Variants in HSPA4L observed in about 807,000 individuals in gnomAD.
HSPA4L encodes heat shock protein family A (Hsp70) member 4 like, also known as heat shock 70 kDa protein 4L.
Under a neutral mutation model 100.3 loss-of-function variants are expected in HSPA4L, and 48 were observed. The ratio of observed to expected loss-of-function variants is 0.48; its 90% CI spans 0.38 to 0.61. The LOEUF is 0.61. HSPA4L is among the 20% of genes least tolerant of loss of function. The pLI is 0.00. For synonymous variants in HSPA4L, 319 were observed against 328.2 expected (o/e 0.97, Z 0.30); for missense variants, 886 against 988.6 (o/e 0.90, Z 1.39).
intron 3 of HSPA4L, 147 bp from the exon 4 acceptor site, chr4:127,798,440 A>C: frequency 1.4e-6 from 1 of 713,522 alleles, no homozygotes; most frequent in South Asian, 2.0e-5. Flanking sequence ...TCATGATTCT[A>C]AAATGACAAT....
chr4:127,823,845 G>C (rs1035307759), intron 16 of HSPA4L, among the ~76,000 whole-genome samples: 12 of 151,982 alleles, frequency 7.9e-5, no homozygotes, highest in Non-Finnish European at 1.2e-4. Context: ...TCTTTCTTTG[G>C]GGGGGAGAAC....
At chr4:127,825,657 C>T (rs1733931930) in intron 16 of HSPA4L, among the ~76,000 whole-genome samples, 1 of 152,132 alleles carries the variant, frequency 6.6e-6, no homozygotes, top group African/African-American at 2.4e-5. Context: ...GGTGCAGTAG[C>T]TCATACCTGT....
intron 5 of HSPA4L, among the ~76,000 whole-genome samples, chr4:127,801,499 G>GTGTGTA (rs1553932968): frequency 2.3e-5 from 3 of 131,020 alleles, no homozygotes; most frequent in Admixed American, 7.9e-5. Context: ...GTGTGTGTGT[G>GTGTGTA]TGTATGTACT....
At chr4:127,808,246 G>C in intron 11 of HSPA4L, 117 bp downstream of exon 11, 5 of 801,786 alleles carry the variant, frequency 6.2e-6, no homozygotes, top group Non-Finnish European at 9.7e-6. Flanking sequence ...TTTAAAGAAA[G>C]ATATTTATAC....
At chr4:127,801,458 CGTGTGT>C (rs33966471) in intron 5 of HSPA4L, among the ~76,000 whole-genome samples, 8,669 of 144,716 alleles carry the variant, frequency 0.06, 425 homozygotes, top group African/African-American at 0.14. Context: ...TATAAAAATA[CGTGTGT>C]GTGTGTGTGT....
chr4:127,835,232 G>A lies in HSPA4L; in HGVS notation c.*2358G>A, dbSNP rs1382680111. Reference sequence around the variant, plus strand: ...TTTCCTATGGTAAGCAAATAAGAATGAAGTTTGTAGGGAATATTTGGAATG... The same window carrying A: ...TTTCCTATGGTAAGCAAATAAGAATAAAGTTTGTAGGGAATATTTGGAATG... On this transcript the variant is annotated 3_prime_UTR_variant, in exon 19 of 19. Coordinates refer to ENST00000296464, the MANE Select transcript of HSPA4L (RefSeq NM_014278.4). 2 of 152,148 alleles carry A rather than the reference G, an allele frequency of 1.3e-5. No homozygotes were observed. Among genetic ancestry groups the A allele is most frequent in the Non-Finnish European group, 2.9e-5 (2 of 68,022 alleles). The allele number at this position is 152,148 out of a possible 1,614,324, so 9.4% of individuals were successfully genotyped here.
At chr4:127,790,026 G>A (rs1165423234) in intron 1 of HSPA4L, among the ~76,000 whole-genome samples, 11 of 152,152 alleles carry the variant, frequency 7.2e-5, no homozygotes. Flanking sequence ...TCCAAGCCTG[G>A]TTAAATGACA....
intron 11 of HSPA4L, 27 bp downstream of exon 11, chr4:127,808,156 C>G: frequency 6.4e-7 from 1 of 1,567,032 alleles, no homozygotes; most frequent in Non-Finnish European, 8.6e-7. Context: ...TTCTCCATAA[C>G]ATTTTGGCCT....
chr4:127,799,685 C>T (rs774821135), intron 4 of HSPA4L, among the ~76,000 whole-genome samples: 22 of 152,250 alleles, frequency 1.4e-4, no homozygotes, highest in Non-Finnish European at 2.9e-4. Context: ...CCTTGTGTGT[C>T]AGAAATTCAT....
At chr4:127,825,387 A>C (rs912451778) in intron 16 of HSPA4L, among the ~76,000 whole-genome samples, 1 of 152,142 alleles carries the variant, frequency 6.6e-6, no homozygotes, top group South Asian at 2.1e-4. Context: ...TGATGACATT[A>C]ACAAGGATTT....
chr4:127,783,887 T>C (rs1732638485), intron 1 of HSPA4L, among the ~76,000 whole-genome samples: 1 of 152,226 alleles, frequency 6.6e-6, no homozygotes, highest in African/African-American at 2.4e-5. Context: ...TCTAGAAGGT[T>C]TTATACCTTT....
intron 16 of HSPA4L, 52 bp downstream of exon 16, chr4:127,823,676 A>AG: frequency 9.0e-7 from 1 of 1,107,946 alleles, no homozygotes; most frequent in Non-Finnish European, 1.3e-6. Context: ...TTTTCTAAAA[A>AG]TTAGGGTGTA....
intron 3 of HSPA4L, among the ~76,000 whole-genome samples, chr4:127,796,185 A>G (rs1485136776): frequency 6.6e-6 from 1 of 152,140 alleles, no homozygotes; most frequent in Non-Finnish European, 1.5e-5. Flanking sequence ...TAGGATTCAG[A>G]AGAATAGACC....
intron 12 of HSPA4L, among the ~76,000 whole-genome samples, chr4:127,812,246 A>G (rs1186648303): frequency 6.6e-6 from 1 of 151,834 alleles, no homozygotes; most frequent in Non-Finnish European, 1.5e-5. Context: ...CGTCTCCACT[A>G]AAAATACAAA....
At chr4:127,809,155 A>C in intron 11 of HSPA4L, 1 of 855,970 alleles carries the variant, frequency 1.2e-6, no homozygotes, top group East Asian at 2.4e-5. Context: ...CACATAATTG[A>C]AACAAAATAG....
At chr4:127,810,389 A>G (rs546557212) in intron 11 of HSPA4L, among the ~76,000 whole-genome samples, 1 of 152,322 alleles carries the variant, frequency 6.6e-6, no homozygotes, top group East Asian at 1.9e-4. Flanking sequence ...AAAGTACCAC[A>G]AGCTAGGTGG....
At chr4:127,781,976 C>A, upstream of HSPA4L, 1 of 437,446 alleles carries the variant, frequency 2.3e-6, no homozygotes, top group African/African-American at 2.1e-5. Flanking sequence ...AACACGTTCG[C>A]AAAGCCCCGG....
intron 12 of HSPA4L, among the ~76,000 whole-genome samples, chr4:127,812,408 CA>C (rs769753070): frequency 5.1e-4 from 32 of 62,820 alleles, no homozygotes; most frequent in Non-Finnish European, 6.2e-4. Context: ...GACTCCATCT[CA>C]AAAAAAAAAA....
chr4:127,784,337 T>C (rs1399701828), intron 1 of HSPA4L, among the ~76,000 whole-genome samples: 3 of 152,222 alleles, frequency 2.0e-5, no homozygotes, highest in Non-Finnish European at 2.9e-5. Flanking sequence ...GAAATCTCTT[T>C]AGCAGTGAGT....
Sources: gnomAD v4.1 joint callset for allele counts (sites outside exome capture counted in the v4.1 genomes callset) on GRCh38, gnomAD v4.1.1 for gene constraint, MANE v1.5 for transcripts, NCBI Gene and HGNC (gene_info 2026-07-23, HGNC 2026-07-21) for gene names.